The following SLC35E1 variants were observed in gnomAD, a reference collection of about 807,000 sequenced individuals.
SLC35E1 encodes the protein solute carrier family 35 member E1, also known as solute carrier family 35, member E1.
Under a neutral mutation model 31.0 loss-of-function variants are expected in SLC35E1, and 12 were observed. The observed-to-expected ratio is 0.39, with a 90% CI of 0.25 to 0.63. SLC35E1 has a LOEUF of 0.63. SLC35E1 is among the 20% of genes least tolerant of loss of function. SLC35E1 has a pLI of 0.52. For synonymous variants in SLC35E1, 257 were observed against 264.1 expected (o/e 0.97, Z 0.26); for missense variants, 429 against 572.2 (o/e 0.75, Z 2.55).
chr19:16,571,606 CA>C (rs748513848), intron 1 of SLC35E1, 24 bp from the exon 2 acceptor site: 3 of 1,612,908 alleles, frequency 1.9e-6, no homozygotes, highest in Non-Finnish European at 2.5e-6. Flanking sequence ...GATGGGCACT[CA>C]GGGGGCTGCC....
chr19:16,562,642 A>G (rs1372021152), intron 4 of SLC35E1, among the ~76,000 whole-genome samples: 3 of 151,918 alleles, frequency 2.0e-5, no homozygotes, highest in Admixed American at 1.3e-4. Context: ...TTTCTACCAT[A>G]TATTTTCAAT....
intron 1 of SLC35E1, 47 bp downstream of exon 1, chr19:16,571,897 A>G (rs2085960815): frequency 6.6e-7 from 1 of 1,518,034 alleles, no homozygotes; most frequent in Non-Finnish European, 8.9e-7. Context: ...CCCAAACCCG[A>G]AGCGGCGGGC....
chr19:16,564,535 A>T (rs978938172), intron 4 of SLC35E1, among the ~76,000 whole-genome samples: 1 of 151,996 alleles, frequency 6.6e-6, no homozygotes, highest in Admixed American at 6.6e-5. Flanking sequence ...TGAACTCCTG[A>T]CCTCAAGTGA....
chr19:16,566,296 G>A, intron 4 of SLC35E1: 2 of 511,016 alleles, frequency 3.9e-6, no homozygotes, highest in Admixed American at 3.6e-5. Flanking sequence ...CGCACACACA[G>A]CAGCTATCAG....
At chr19:16,563,637 A>G (rs1248038856) in intron 4 of SLC35E1, among the ~76,000 whole-genome samples, 1 of 152,120 alleles carries the variant, frequency 6.6e-6, no homozygotes, top group Non-Finnish European at 1.5e-5. Context: ...GTACGCCACC[A>G]CACCAGATAA....
In SLC35E1 at chr19:16,551,277, G is replaced by C. The variant is rs1255640643; in HGVS notation, c.*2402C>G. On this transcript the variant is annotated 3_prime_UTR_variant, in exon 6 of 6. Transcript: ENST00000595753. ...GTATTTACAAAGCAAGCGAACAAGA[G>C]ACGAAGCAAGAGGGACACTTCTGAG... 6.6e-6 allele frequency: 1 copy of C among 152,198 alleles called. No homozygotes were observed. The highest frequency in any genetic ancestry group is 1.9e-4 in the East Asian group (1 of 5,194). The allele number at this position is 152,198 out of a possible 1,614,324, so 9.4% of individuals were successfully genotyped here.
At chr19:16,556,961 C>T (rs1304255690) in intron 4 of SLC35E1, 1 of 471,448 alleles carries the variant, frequency 2.1e-6, no homozygotes, top group Non-Finnish European at 4.4e-6. Context: ...GGGAACCTCA[C>T]TGGAGGAATA....
chr19:16,568,210 T>G (rs755741690), intron 2 of SLC35E1, 41 bp from the exon 3 acceptor site: 4 of 1,566,308 alleles, frequency 2.6e-6, no homozygotes, highest in African/African-American at 1.4e-5. Flanking sequence ...CAGGCCAGAC[T>G]AGAGCTGGGC....
chr19:16,554,202 G>A (rs984577562), intron 5 of SLC35E1, among the ~76,000 whole-genome samples: 1 of 150,194 alleles, frequency 6.7e-6, no homozygotes, highest in Non-Finnish European at 1.5e-5. Flanking sequence ...GGAGGCGGAG[G>A]TTGCAGTGAG....
intron 4 of SLC35E1, among the ~76,000 whole-genome samples, chr19:16,564,578 T>G (rs1273184370): frequency 1.3e-5 from 2 of 152,098 alleles, no homozygotes; most frequent in African/African-American, 4.8e-5. Flanking sequence ...AGTGCTGGGA[T>G]TACAGGCTGG....
chr19:16,558,648 C>A (rs1300959023), intron 4 of SLC35E1, among the ~76,000 whole-genome samples: 1 of 152,012 alleles, frequency 6.6e-6, no homozygotes. Context: ...AGCCATCTGT[C>A]CATTGTCTTC....
At position 16,553,762 on chromosome 19, in the gene SLC35E1, G is replaced by T. The variant is rs199865548; in HGVS notation, c.1150C>A (p.Arg384Ser). 3.1e-6 allele frequency: 5 copies of T among 1,613,010 alleles called. No homozygotes were observed. The South Asian group carries it at 4.4e-5, about 14-fold the overall frequency. Residue 384 changes from arginine to serine, a missense_variant, in exon 6 of 6, where the codon CGC becomes AGC. Arg to Ser is a moderately radical substitution (Grantham distance 110). Coordinates refer to ENST00000595753, the MANE Select transcript of SLC35E1 (RefSeq NM_024881.5). Reference sequence around the variant, plus strand: ...AAGTGGTCTGTTAAGATGTTGTTGCGGCCGTACTGATAGTCCCCGTGCTGG... The same window carrying T: ...AAGTGGTCTGTTAAGATGTTGTTGCTGCCGTACTGATAGTCCCCGTGCTGG... ...FPQHGDYQYGRNNILTDHFQY... is the reference protein window; with the variant it reads ...FPQHGDYQYGSNNILTDHFQY...
intron 4 of SLC35E1, among the ~76,000 whole-genome samples, chr19:16,556,672 T>A (rs1198260008): frequency 6.6e-6 from 1 of 152,176 alleles, no homozygotes; most frequent in African/African-American, 2.4e-5. Flanking sequence ...GAGAACCAGG[T>A]AGACACTGCC....
At chr19:16,570,215 C>T (rs890184109) in intron 2 of SLC35E1, among the ~76,000 whole-genome samples, 9 of 152,164 alleles carry the variant, frequency 5.9e-5, no homozygotes, top group Admixed American at 2.6e-4. Flanking sequence ...CGATGATATC[C>T]GGTGATGCAG....
In SLC35E1 at chr19:16,572,091, C is replaced by G. The variant is rs1408212762; in HGVS notation, c.274G>C (p.Gly92Arg). The change falls in exon 1 of 6, where the codon GGA becomes CGA. Residue 92 changes from glycine to arginine, a missense_variant. Coordinates refer to ENST00000595753, the MANE Select transcript of SLC35E1 (RefSeq NM_024881.5). The surrounding 1 kb of genome is among the most constrained non-coding windows in gnomAD (Gnocchi z 4.1). The part of the protein sequence containing the change: ...VPPAPPVSGP[G>R]PSPHPSSGPL... ...CCGGACGACGGATGCGGACTGGGTCCGGGGCCCGAGACGGGCGGCGCGGGG... is the reference window on the plus strand; with the variant it reads ...CCGGACGACGGATGCGGACTGGGTCGGGGGCCCGAGACGGGCGGCGCGGGG... The G allele has an allele frequency of 6.6e-7, 1 of 1,521,450 alleles. No individual in the cohort carries two copies. Among genetic ancestry groups the G allele is most frequent in the Non-Finnish European group, 8.8e-7 (1 of 1,135,212 alleles). The allele number at this position is 1,521,450 out of a possible 1,614,324, so 94.2% of individuals were successfully genotyped here.
intron 4 of SLC35E1, among the ~76,000 whole-genome samples, chr19:16,563,456 A>C (rs1267204340): frequency 1.3e-5 from 2 of 152,202 alleles, no homozygotes; most frequent in African/African-American, 4.8e-5. Flanking sequence ...GAGCCTAAGA[A>C]ATGTTATCCA....
At chr19:16,568,934 G>A (rs951573580) in intron 2 of SLC35E1, among the ~76,000 whole-genome samples, 4 of 152,082 alleles carry the variant, frequency 2.6e-5, no homozygotes, top group African/African-American at 9.7e-5. Context: ...CACAAGGAGT[G>A]CTTTCTCCAA....
rs1486526430 is a variant in SLC35E1 at position 16,552,656 on chromosome 19, T to C, written c.*1023A>G. On this transcript the variant is annotated 3_prime_UTR_variant, in exon 6 of 6. Coordinates refer to ENST00000595753, the MANE Select transcript of SLC35E1 (RefSeq NM_024881.5). Reference sequence around the variant, plus strand: ...CCGGGGAACTTTGTTTTTAAACGTTTACAAACAAAAAGATTTTCGATGCAT... The same window carrying C: ...CCGGGGAACTTTGTTTTTAAACGTTCACAAACAAAAAGATTTTCGATGCAT... 6.6e-6 allele frequency: 1 copy of C among 152,138 alleles called. No homozygotes were observed. The highest frequency in any genetic ancestry group is 2.4e-5 in the African/African-American group (1 of 41,430). The allele number at this position is 152,138 out of a possible 1,614,324, so 9.4% of individuals were successfully genotyped here.
chr19:16,571,697 C>G, intron 1 of SLC35E1, 115 bp from the exon 2 acceptor site: 2 of 1,180,640 alleles, frequency 1.7e-6, no homozygotes, highest in Non-Finnish European at 2.5e-6. Context: ...TTCGCCCCTT[C>G]TCTTTCGGTA....
Sources: gnomAD v4.1 joint callset for allele counts (sites outside exome capture counted in the v4.1 genomes callset) on GRCh38, gnomAD v4.1.1 for gene constraint, Gnocchi (gnomAD v3.1) non-coding constraint, MANE v1.5 for transcripts, NCBI Gene and HGNC (gene_info 2026-07-23, HGNC 2026-07-21) for gene names.